Variants in COLGALT1 observed in about 807,000 individuals in gnomAD.
The protein encoded by COLGALT1 is procollagen galactosyltransferase 1.
COLGALT1 carries 43 observed loss-of-function variants against 60.8 expected under a neutral mutation model. The ratio of observed to expected loss-of-function variants is 0.71; its 90% CI spans 0.55 to 0.91. The LOEUF is 0.91. Among genes scored for constraint, COLGALT1 ranks in the 40% least tolerant of loss-of-function variants. The probability of loss-of-function intolerance (pLI) is 0.00; values close to 1 mark genes in which losing one functional copy is unlikely to be tolerated. For missense variants in COLGALT1, 845 were observed against 880.0 expected, an observed-to-expected ratio of 0.96 and a Z score of 0.50; for synonymous variants, 369 against 374.2, an observed-to-expected ratio of 0.99 and a Z score of 0.16.
intron 3 of COLGALT1, among the ~76,000 whole-genome samples, chr19:17,562,389 G>A (rs760662516): frequency 1.2e-4 from 19 of 152,126 alleles, no homozygotes; most frequent in Middle Eastern, 3.2e-3. Context: ...TGGACCAGGC[G>A]CGGTGGCTCA....
chr19:17,578,627 G>A (rs894441751), intron 9 of COLGALT1, among the ~76,000 whole-genome samples: 6 of 152,326 alleles, frequency 3.9e-5, no homozygotes, highest in Non-Finnish European at 8.8e-5. Context: ...AAGTGGGAGA[G>A]TGGCTTGAGC....
intron 3 of COLGALT1, among the ~76,000 whole-genome samples, chr19:17,561,865 C>G (rs1361531521): frequency 6.6e-6 from 1 of 151,950 alleles, no homozygotes; most frequent in Non-Finnish European, 1.5e-5. Flanking sequence ...TTTCTATATT[C>G]TCCTGATTTT....
In COLGALT1 at chr19:17,578,102, T is replaced by C. The variant is rs2076356123; in HGVS notation, c.1266+13T>C. On this transcript the variant is annotated intron_variant, in intron 9 of 11. Transcript: ENST00000252599. ...CATCTGGAAGGAGGTGTGTCCTGAG[T>C]GATGGGCGGGGCCAGAGTTATGACT... 6.3e-7 allele frequency: 1 copy of C among 1,588,702 alleles called. No individual in the cohort carries two copies.
At chr19:17,574,042 T>C (rs1342499343) in intron 6 of COLGALT1, among the ~76,000 whole-genome samples, 1 of 152,140 alleles carries the variant, frequency 6.6e-6, no homozygotes, top group Admixed American at 6.6e-5. Flanking sequence ...CAGCCGTCCC[T>C]CTAAAACTGG....
At chr19:17,558,465 G>T (rs1300446764) in intron 1 of COLGALT1, among the ~76,000 whole-genome samples, 3 of 148,676 alleles carry the variant, frequency 2.0e-5, no homozygotes, top group African/African-American at 7.4e-5. Context: ...ATCACCTGAG[G>T]TCAGGAGTTC....
In COLGALT1 at chr19:17,568,618, C is replaced by T. The variant is rs201119112; in HGVS notation, c.734C>T (p.Ala245Val). 1.9e-4 allele frequency: 309 copies of T among 1,614,182 alleles called. 1 individual carries two copies. The South Asian group carries it at 3.1e-3, about 16-fold the overall frequency. The change falls in exon 5 of 12, where the codon GCG (alanine) becomes GTG (valine). Residue 245 changes from alanine (A) to valine (V), a missense_variant. Transcript: ENST00000252599. Reference sequence around the variant, plus strand: ...ACCTTCCTGATCGACCTGCGGAAGGCGGCGTCCAGGAACCTGGCCTTCTAC... The same window carrying T: ...ACCTTCCTGATCGACCTGCGGAAGGTGGCGTCCAGGAACCTGGCCTTCTAC... ...HSTFLIDLRK[A>V]ASRNLAFYPP... is the part of the protein sequence containing the mutation.
At position 17,578,218 on chromosome 19, in the gene COLGALT1, G is replaced by T. The variant is rs554848425; in HGVS notation, c.1266+129G>T. On this transcript the variant is annotated intron_variant, in intron 9 of 11. Transcript: ENST00000252599. The stretch of plus-strand genomic sequence containing the variant: ...ATCCAGCCTCAGCCATGGGACCCAT[G>T]GCCTCTCTTTAGTGAATGATGCGCC... 141 of 1,050,204 alleles carry T rather than the reference G, an allele frequency of 1.3e-4. 1 individual carries two copies. The highest frequency in any genetic ancestry group is 3.1e-4 in the Middle Eastern group (1 of 3,242). The allele number at this position is 1,050,204 out of a possible 1,614,324, so 65.1% of individuals were successfully genotyped here.
At position 17,581,957 on chromosome 19, in the gene COLGALT1, G is replaced by C. The variant is rs1417192058; in HGVS notation, c.*513G>C. 1 of 158,242 alleles carries C rather than the reference G, an allele frequency of 6.3e-6. No homozygotes were observed. Among genetic ancestry groups the C allele is most frequent in the Admixed American group, 5.8e-5 (1 of 17,108 alleles). 9.8% of individuals were successfully genotyped at this position (158,242 alleles called of 1,614,324 possible). A position where few individuals can be genotyped will look rare whatever the true frequency, so the allele number is the denominator to read the frequency against. ...AGTAGAGTCTGTCTCTGTCACCCAG[G>C]CTGGAGTGCAGTGGTGTGACGGCTC... On this transcript the variant is annotated 3_prime_UTR_variant, in exon 12 of 12. Coordinates refer to ENST00000252599, the MANE Select transcript of COLGALT1 (RefSeq NM_024656.4).
rs1368432292 is a variant in COLGALT1 at position 17,582,328 on chromosome 19, T to C, written c.*884T>C. ...AAGATAAGTTCCTGATTCGGTACAC[T>C]TACTGAGCACCTGCTGTGTGCAGGG... is the stretch of plus-strand genomic sequence containing the variant. On this transcript the variant is annotated 3_prime_UTR_variant, in exon 12 of 12. Transcript: ENST00000252599. The C allele has an allele frequency of 6.6e-6, 1 of 152,236 alleles. No individual in the cohort carries two copies. Among genetic ancestry groups the C allele is most frequent in the Non-Finnish European group, 1.5e-5 (1 of 68,042 alleles). 9.4% of individuals were successfully genotyped at this position (152,236 alleles called of 1,614,324 possible).
At position 17,568,623 on chromosome 19, in the gene COLGALT1, T is replaced by G. The variant is rs752577249; in HGVS notation, c.739T>G (p.Ser247Ala). 1.2e-5 allele frequency: 20 copies of G among 1,614,066 alleles called. No homozygotes were observed. The African/African-American group carries it at 2.4e-4, about 19-fold the overall frequency. ...TFLIDLRKAASRNLAFYPPHP... is the reference protein window; with the variant it reads ...TFLIDLRKAAARNLAFYPPHP... ...CCTGATCGACCTGCGGAAGGCGGCG[T>G]CCAGGAACCTGGCCTTCTACCCACC... The change falls in exon 5 of 12, where the codon TCC (serine) becomes GCC (alanine). Residue 247 changes from serine (S) to alanine (A), a missense_variant. By Grantham distance (99) the Ser-to-Ala change is moderately conservative (BLOSUM62 1). Coordinates refer to ENST00000252599, the MANE Select transcript of COLGALT1 (RefSeq NM_024656.4).
chr19:17,558,219 G>A lies in COLGALT1; in HGVS notation c.261-1092G>A, dbSNP rs532919611. Reference sequence around the variant, plus strand: ...CTCCCAAAGTGCTGGAATTACAAGCGTGAGCCACCATGCCCGGCCTAATTT... The same window carrying A: ...CTCCCAAAGTGCTGGAATTACAAGCATGAGCCACCATGCCCGGCCTAATTT... On this transcript the variant is annotated intron_variant, in intron 1 of 11. Coordinates refer to ENST00000252599, the MANE Select transcript of COLGALT1 (RefSeq NM_024656.4). 7.3e-4 allele frequency among the ~76,000 whole-genome samples: 111 copies of A among 151,684 alleles called. 1 individual carries two copies. The Middle Eastern group carries it at 0.024, about 33-fold the overall frequency.
Position 17,572,820 on chromosome 19 carries a change from C to T in COLGALT1, c.949+218C>T, listed in dbSNP as rs542887487. Among the ~76,000 whole-genome samples, 9 of 152,224 alleles carry T rather than the reference C, an allele frequency of 5.9e-5. No individual in the cohort carries two copies. In the South Asian group the frequency reaches 1.5e-3, roughly 25 times the overall value. ...CTGTACACAGCATGCTTGGGGTTGT[C>T]GGGTGGGCTTCCTGGAGGAGGTGGC... On this transcript the variant is annotated intron_variant, in intron 6 of 11. Coordinates refer to ENST00000252599, the MANE Select transcript of COLGALT1 (RefSeq NM_024656.4).
intron 1 of COLGALT1, among the ~76,000 whole-genome samples, chr19:17,558,717 A>G (rs1489175687): frequency 1.3e-5 from 2 of 151,618 alleles, no homozygotes; most frequent in African/African-American, 2.4e-5. Flanking sequence ...TTTGTTAGTG[A>G]ATGTGGTTTG....
Position 17,577,395 on chromosome 19 carries a change from G to A in COLGALT1, c.1061G>A (p.Arg354Gln). The A allele has an allele frequency of 6.3e-7, 1 of 1,581,968 alleles. No homozygotes were observed. Among genetic ancestry groups the A allele is most frequent in the Non-Finnish European group, 8.6e-7 (1 of 1,168,148 alleles). ...FMINLRRRQD[R>Q]RERMLRALQA... ...ATCAACCTGAGGCGGCGGCAGGACCGGCGGGAGCGCATGCTGCGGGCGCTG... is the reference window on the plus strand; with the variant it reads ...ATCAACCTGAGGCGGCGGCAGGACCAGCGGGAGCGCATGCTGCGGGCGCTG... Residue 354 changes from arginine to glutamine, a missense_variant, in exon 8 of 12, where the codon CGG (arginine) becomes CAG (glutamine). Physicochemically the swap from Arg to Gln is conservative, Grantham distance 43 (BLOSUM62 1). Transcript: ENST00000252599.
chr19:17,560,890 G>A (rs564374825), intron 3 of COLGALT1, among the ~76,000 whole-genome samples: 6 of 150,782 alleles, frequency 4.0e-5, no homozygotes, highest in African/African-American at 9.7e-5. Flanking sequence ...CCACCACCAC[G>A]CCCGGCTAAT....
chr19:17,566,546 A>G (rs2144826095), intron 3 of COLGALT1, among the ~76,000 whole-genome samples: 1 of 152,156 alleles, frequency 6.6e-6, no homozygotes, highest in Middle Eastern at 3.4e-3. Flanking sequence ...GAACTATTGT[A>G]GGCCATGGGG....
intron 3 of COLGALT1, among the ~76,000 whole-genome samples, chr19:17,564,086 C>CAA (rs201180929): frequency 2.8e-5 from 4 of 142,610 alleles, no homozygotes; most frequent in Non-Finnish European, 4.6e-5. Flanking sequence ...CAAAAACTAA[C>CAA]AAAAAAAAAA....
At chr19:17,559,496 C>T (rs2076235999) in intron 2 of COLGALT1, 75 bp downstream of exon 2, 1 of 1,181,248 alleles carries the variant, frequency 8.5e-7, no homozygotes, top group Non-Finnish European at 1.2e-6. Context: ...CTCCCCATTG[C>T]CCCAGAACAA....
intron 5 of COLGALT1, among the ~76,000 whole-genome samples, chr19:17,571,483 C>T (rs1442571585): frequency 2.6e-5 from 4 of 150,956 alleles, no homozygotes; most frequent in Non-Finnish European, 5.9e-5. Flanking sequence ...CTTGGCTGGG[C>T]TCAGTGGATC....
Sources: gnomAD v4.1 joint callset for allele counts (sites outside exome capture counted in the v4.1 genomes callset) on GRCh38, gnomAD v4.1.1 for gene constraint, MANE v1.5 for transcripts, NCBI Gene and HGNC (gene_info 2026-07-23, HGNC 2026-07-21) for gene names.